Variants in BAG3 observed in about 807,000 individuals in gnomAD.
BAG3 encodes the protein BAG cochaperone 3.
In BAG3, 14 loss-of-function variants were observed where a neutral mutation model predicts 40.5. The ratio of observed to expected loss-of-function variants is 0.35; its 90% CI spans 0.23 to 0.54. The LOEUF (loss-of-function observed/expected upper bound fraction) is 0.54, where lower values mean the gene tolerates loss of function less well. Ranked by LOEUF, BAG3 falls within the 20% of genes least tolerant of loss-of-function variation. BAG3 has a pLI of 0.91. For synonymous variants in BAG3, 302 were observed against 307.8 expected (o/e 0.98, Z 0.20); for missense variants, 788 against 758.6 (o/e 1.04, Z -0.46).
At chr10:119,656,128 A>G in intron 1 of BAG3, among the ~76,000 whole-genome samples, 1 of 152,056 alleles carries the variant, frequency 6.6e-6, no homozygotes, top group Admixed American at 6.6e-5. Flanking sequence ...ATCCAGACCT[A>G]CTCTTTCTCC....
rs1226229960 is a variant in BAG3, at chr10:119,651,571, C to T, written c.-105C>T. 8.9e-7 allele frequency: 1 copy of T among 1,122,248 alleles called. No homozygotes were observed. Among genetic ancestry groups the T allele is most frequent in the African/African-American group, 1.7e-5 (1 of 60,124 alleles). 69.5% of individuals were successfully genotyped at this position (1,122,248 alleles called of 1,614,324 possible). ...AGGTGCCCGGCGCCGGCTTCCCGGA[C>T]ACGTCGGCGGCGGAGAGGGGCCCAC... On this transcript the variant is annotated 5_prime_UTR_variant, in exon 1 of 4. Transcript: ENST00000369085.
At chr10:119,671,106 A>G (rs919004614) in intron 2 of BAG3, among the ~76,000 whole-genome samples, 1 of 152,126 alleles carries the variant, frequency 6.6e-6, no homozygotes, top group Non-Finnish European at 1.5e-5. Flanking sequence ...CCAGGAATTC[A>G]AGACCAGCCT....
intron 1 of BAG3, among the ~76,000 whole-genome samples, chr10:119,662,191 G>GC (rs767451743): frequency 6.8e-6 from 1 of 146,946 alleles, no homozygotes; most frequent in Non-Finnish European, 1.5e-5. Flanking sequence ...GGGATTGCAG[G>GC]CCCCCGCCAC....
chr10:119,651,769 C>T lies in BAG3; in HGVS notation c.94C>T (p.Pro32Ser). The change falls in exon 1 of 4, where the codon CCG (proline) becomes TCG (serine). Residue 32 changes from proline (P) to serine (S), a missense_variant. By Grantham distance (74) the Pro-to-Ser change is moderately conservative. Coordinates refer to ENST00000369085, the MANE Select transcript of BAG3 (RefSeq NM_004281.4). ...CCCCGGATGGGAGATCAAGATCGAC[C>T]CGCAGACCGGCTGGCCCTTCTTCGT... ...LPPGWEIKIDPQTGWPFFVDH... is the reference protein window; with the variant it reads ...LPPGWEIKIDSQTGWPFFVDH... 6.2e-7 allele frequency: 1 copy of T among 1,600,786 alleles called. No individual in the cohort carries two copies. Among genetic ancestry groups the T allele is most frequent in the Non-Finnish European group, 8.5e-7 (1 of 1,174,110 alleles).
rs145970789 is a variant in BAG3, at chr10:119,672,847, C to T, written c.909+191C>T. 3.1e-3 allele frequency among the ~76,000 whole-genome samples: 475 copies of T among 152,304 alleles called. 5 individuals are homozygous for T. Among genetic ancestry groups the T allele is most frequent in the African/African-American group, 0.011 (449 of 41,554 alleles). On this transcript the variant is annotated intron_variant, in intron 3 of 3. Coordinates refer to ENST00000369085, the MANE Select transcript of BAG3 (RefSeq NM_004281.4). This position sits in a 1 kb window ranked among gnomAD's most constrained non-coding sequence, Gnocchi z 4.8. ...GACAGTTGCTCAGGCTGTGAACCCT[C>T]CGCACTCTGCAGCTTTTGCTGGGCT...
chr10:119,668,771 G>A (rs968271814), intron 1 of BAG3, among the ~76,000 whole-genome samples: 6 of 152,350 alleles, frequency 3.9e-5, no homozygotes, highest in East Asian at 1.9e-4. Context: ...GCTCTGTTGC[G>A]TTGAAGAAAA....
intron 1 of BAG3, among the ~76,000 whole-genome samples, chr10:119,654,447 C>G (rs931863433): frequency 2.6e-5 from 4 of 152,172 alleles, no homozygotes; most frequent in Admixed American, 6.5e-5. Flanking sequence ...AAAGACTAGA[C>G]CTTTGTATTT....
At chr10:119,663,381 C>T (rs1365034408) in intron 1 of BAG3, among the ~76,000 whole-genome samples, 1 of 152,072 alleles carries the variant, frequency 6.6e-6, no homozygotes, top group Non-Finnish European at 1.5e-5. Flanking sequence ...CTCACTGCAA[C>T]CTCTCACCCC....
Position 119,676,979 on chromosome 10 carries a change from T to C in BAG3, c.1425T>C (p.Asp475=), listed in dbSNP as rs376404396. The change falls in exon 4 of 4, where the codon GAT becomes GAC. Residue 475 remains aspartate, a synonymous_variant. Coordinates refer to ENST00000369085, the MANE Select transcript of BAG3 (RefSeq NM_004281.4). ...LDSVDPEGRA[D]VRQARRDGVR... is the part of the protein sequence containing the mutation. ...CAGTGGACCCCGAGGGACGAGCCGA[T>C]GTGCGTCAGGCCAGGAGAGACGGTG... 5 of 1,614,074 alleles carry C rather than the reference T, an allele frequency of 3.1e-6. No homozygotes were observed. Among genetic ancestry groups the C allele is most frequent in the Non-Finnish European group, 4.2e-6 (5 of 1,180,034 alleles).
At chr10:119,666,555 G>GCGAGATGCATGAGGTGCTCAA (rs1847070572) in intron 1 of BAG3, among the ~76,000 whole-genome samples, 1 of 151,826 alleles carries the variant, frequency 6.6e-6, no homozygotes, top group Non-Finnish European at 1.5e-5. Flanking sequence ...AATGTGCTCA[G>GCGAGATGCATGAGGTGCTCAA]CGAGATGCAC....
chr10:119,672,354 C>G lies in BAG3; in HGVS notation c.607C>G (p.Arg203Gly). Residue 203 changes from arginine to glycine, a missense_variant, in exon 3 of 4, where the codon CGG (arginine) becomes GGG (glycine). Arg to Gly is a moderately radical substitution (Grantham distance 125, BLOSUM62 -2). Coordinates refer to ENST00000369085, the MANE Select transcript of BAG3 (RefSeq NM_004281.4). The surrounding 1 kb of genome is among the most constrained non-coding windows in gnomAD (Gnocchi z 4.8). The part of the protein sequence containing the change: ...RSSLGSHQLP[R>G]GYISIPVIHE... ...CAGCCTGGGCAGTCACCAGCTCCCG[C>G]GGGGGTACATCTCCATTCCGGTGAT... 1 of 1,614,086 alleles carries G rather than the reference C, an allele frequency of 6.2e-7. No homozygotes were observed. The highest frequency in any genetic ancestry group is 8.5e-7 in the Non-Finnish European group (1 of 1,180,018).
chr10:119,666,273 GC>G (rs1230309906), intron 1 of BAG3, among the ~76,000 whole-genome samples: 1 of 152,028 alleles, frequency 6.6e-6, no homozygotes, highest in Non-Finnish European at 1.5e-5. Context: ...TTCCAGCCTG[GC>G]CCCTGGTCTC....
rs1010404685 is a variant in BAG3 at position 119,672,679 on chromosome 10, A to G, written c.909+23A>G. 5.0e-6 allele frequency: 8 copies of G among 1,609,382 alleles called. No homozygotes were observed. The highest frequency in any genetic ancestry group is 6.8e-6 in the Non-Finnish European group (8 of 1,180,022). Reference sequence around the variant, plus strand: ...CAGGTACGGGAAGTTAGTCGTCAGCAGACTGGTTATGGTGGTATGTCTCCA... The same window carrying G: ...CAGGTACGGGAAGTTAGTCGTCAGCGGACTGGTTATGGTGGTATGTCTCCA... On this transcript the variant is annotated intron_variant, in intron 3 of 3. Coordinates refer to ENST00000369085, the MANE Select transcript of BAG3 (RefSeq NM_004281.4). The surrounding 1 kb of genome is among the most constrained non-coding windows in gnomAD (Gnocchi z 4.8).
At chr10:119,658,278 C>T (rs1428396202) in intron 1 of BAG3, among the ~76,000 whole-genome samples, 4 of 152,226 alleles carry the variant, frequency 2.6e-5, no homozygotes, top group African/African-American at 9.6e-5. Flanking sequence ...CTTCGCTGGC[C>T]CACCCTTTCA....
rs749576988 is a variant in BAG3 at position 119,677,153 on chromosome 10, C to T, written c.1599C>T (p.Asp533=). The T allele has an allele frequency of 6.2e-7, 1 of 1,614,100 alleles. No homozygotes were observed. Among genetic ancestry groups the T allele is most frequent in the Non-Finnish European group, 8.5e-7 (1 of 1,180,030 alleles). ...AIMEMGAVAA[D]KGKKNAGNAE... Reference sequence around the variant, plus strand: ...TGGAGATGGGTGCCGTGGCAGCAGACAAGGGCAAGAAAAATGCTGGAAATG... The same window carrying T: ...TGGAGATGGGTGCCGTGGCAGCAGATAAGGGCAAGAAAAATGCTGGAAATG... Residue 533 remains aspartate, a synonymous_variant, in exon 4 of 4, where the codon GAC becomes GAT. Transcript: ENST00000369085.
chr10:119,662,104 A>G (rs926691654), intron 1 of BAG3, among the ~76,000 whole-genome samples: 4 of 151,856 alleles, frequency 2.6e-5, no homozygotes, highest in East Asian at 1.9e-4. Context: ...CTGGAGTGCA[A>G]TGGCATGATC....
At chr10:119,664,443 G>T (rs1847032250) in intron 1 of BAG3, among the ~76,000 whole-genome samples, 1 of 152,206 alleles carries the variant, frequency 6.6e-6, no homozygotes, top group Non-Finnish European at 1.5e-5. Flanking sequence ...GAGCCCCTGG[G>T]CTCTTCTTTC....
At chr10:119,673,735 G>A (rs1159849331) in intron 3 of BAG3, among the ~76,000 whole-genome samples, 1 of 152,230 alleles carries the variant, frequency 6.6e-6, no homozygotes, top group Non-Finnish European at 1.5e-5. Context: ...CAATCTCATA[G>A]AAGAGTTGTG....
intron 1 of BAG3, among the ~76,000 whole-genome samples, chr10:119,667,451 A>G (rs1419018018): frequency 9.2e-5 from 14 of 152,204 alleles, no homozygotes; most frequent in Admixed American, 9.2e-4. Flanking sequence ...CGTTTTCTAG[A>G]AAAGGAAGCG....
Sources: gnomAD v4.1 joint callset for allele counts (sites outside exome capture counted in the v4.1 genomes callset) on GRCh38, gnomAD v4.1.1 for gene constraint, Gnocchi (gnomAD v3.1) non-coding constraint, MANE v1.5 for transcripts, NCBI Gene and HGNC (gene_info 2026-07-23, HGNC 2026-07-21) for gene names.